The following ADK variants were observed in gnomAD, a reference collection of about 807,000 sequenced individuals.
ADK encodes the protein adenosine kinase, also known as N6,N6-dimethyladenosine kinase.
A neutral mutation model predicts 44.7 loss-of-function variants in ADK; 24 were observed. The ratio of observed to expected loss-of-function variants is 0.54; its 90% CI spans 0.39 to 0.76. The LOEUF is 0.76. Among genes scored for constraint, ADK ranks in the 30% least tolerant of loss-of-function variants. The probability of loss-of-function intolerance (pLI) is 0.00; values close to 1 mark genes in which losing one functional copy is unlikely to be tolerated. For missense variants in ADK, 321 were observed against 425.1 expected, an observed-to-expected ratio of 0.76 and a Z score of 2.15; for synonymous variants, 128 against 142.6, an observed-to-expected ratio of 0.90 and a Z score of 0.73.
At chr10:74,481,700 T>G (rs1214233277) in intron 6 of ADK, among the ~76,000 whole-genome samples, 1 of 152,230 alleles carries the variant, frequency 6.6e-6, no homozygotes, top group East Asian at 1.9e-4. Context: ...TGCTACTTTT[T>G]TTTTCTTCTG....
chr10:74,394,116 A>G, intron 4 of ADK, 25 bp from the exon 5 acceptor site: 1 of 1,613,530 alleles, frequency 6.2e-7, no homozygotes, highest in South Asian at 1.1e-5. Flanking sequence ...TGCCCCATTA[A>G]ATTATTTATG....
chr10:74,309,077 A>G (rs763737276), intron 3 of ADK, among the ~76,000 whole-genome samples: 2 of 152,140 alleles, frequency 1.3e-5, no homozygotes, highest in African/African-American at 4.8e-5. Context: ...GGGTATAATC[A>G]TGAAGTCTTT....
chr10:74,212,519 A>G (rs1019920330), intron 2 of ADK, among the ~76,000 whole-genome samples: 43 of 152,202 alleles, frequency 2.8e-4, no homozygotes, highest in Admixed American at 5.2e-4. Context: ...TTGGTTATCT[A>G]TGGAAGCTCA....
intron 9 of ADK, among the ~76,000 whole-genome samples, chr10:74,630,013 C>T (rs1405832627): frequency 6.6e-6 from 1 of 152,052 alleles, no homozygotes; most frequent in African/African-American, 2.4e-5. Context: ...AATAATTTAA[C>T]ATATGCACAG....
intron 6 of ADK, among the ~76,000 whole-genome samples, chr10:74,499,643 G>A (rs899020091): frequency 7.3e-5 from 11 of 151,664 alleles, no homozygotes; most frequent in African/African-American, 1.2e-4. Context: ...AGCAGAGATC[G>A]CGCCACTGCA....
chr10:74,394,632 A>C (rs2132828567), intron 5 of ADK, among the ~76,000 whole-genome samples: 1 of 152,296 alleles, frequency 6.6e-6, no homozygotes, highest in African/African-American at 2.4e-5. Flanking sequence ...AATTTGTTGC[A>C]AAACTTGAAT....
intron 6 of ADK, among the ~76,000 whole-genome samples, chr10:74,458,884 A>G (rs1436567156): frequency 6.6e-6 from 1 of 152,244 alleles, no homozygotes; most frequent in Non-Finnish European, 1.5e-5. Flanking sequence ...ATAAAAAGAA[A>G]TAATCATTTA....
chr10:74,449,104 T>C (rs1221454596), intron 6 of ADK, among the ~76,000 whole-genome samples: 9 of 152,164 alleles, frequency 5.9e-5, no homozygotes, highest in African/African-American at 1.9e-4. Context: ...TCCAAAACCA[T>C]AGGGCAGGCA....
chr10:74,523,005 CTCT>C (rs1231014644), intron 6 of ADK, among the ~76,000 whole-genome samples: 1 of 152,182 alleles, frequency 6.6e-6, no homozygotes, highest in African/African-American at 2.4e-5. Flanking sequence ...CCTTTTCCTC[CTCT>C]TATTATCTGC....
chr10:74,395,006 A>G (rs1843458471), intron 5 of ADK, among the ~76,000 whole-genome samples: 1 of 152,186 alleles, frequency 6.6e-6, no homozygotes, highest in South Asian at 2.1e-4. Context: ...CAGTGTATTC[A>G]TGCACTGCTA....
At chr10:74,475,160 A>G (rs975046586) in intron 6 of ADK, among the ~76,000 whole-genome samples, 1 of 152,022 alleles carries the variant, frequency 6.6e-6, no homozygotes, top group Admixed American at 6.6e-5. Context: ...AAAAAAACAA[A>G]ACAAAAAACC....
intron 6 of ADK, among the ~76,000 whole-genome samples, chr10:74,437,663 T>C (rs891587820): frequency 6.6e-6 from 1 of 152,216 alleles, no homozygotes; most frequent in African/African-American, 2.4e-5. Context: ...GATCTCCTTC[T>C]ACTTTTTAAC....
chr10:74,243,700 T>C (rs1845309869), intron 3 of ADK, among the ~76,000 whole-genome samples: 1 of 152,086 alleles, frequency 6.6e-6, no homozygotes, highest in Admixed American at 6.5e-5. Flanking sequence ...CCGTCTCTAC[T>C]AACAATACAA....
At chr10:74,232,625 A>T (rs11000936) in intron 3 of ADK, among the ~76,000 whole-genome samples, 27,890 of 145,410 alleles carry the variant, frequency 0.19, 3,350 homozygotes, top group African/African-American at 0.35. Flanking sequence ...ATAAGGATTT[A>T]AAAAAAAAAT....
At chr10:74,156,104 C>G (rs985206685) in intron 1 of ADK, among the ~76,000 whole-genome samples, 9 of 151,990 alleles carry the variant, frequency 5.9e-5, no homozygotes, top group Admixed American at 3.3e-4. Flanking sequence ...TAGAGAGAGC[C>G]AGAGGAAAGC....
chr10:74,330,273 G>GT (rs1778153832), intron 4 of ADK, among the ~76,000 whole-genome samples: 2 of 152,256 alleles, frequency 1.3e-5, no homozygotes, highest in South Asian at 4.2e-4. Flanking sequence ...AAAGCCAGGT[G>GT]TGGTGGTGCA....
intron 4 of ADK, among the ~76,000 whole-genome samples, chr10:74,356,093 A>T (rs530099073): frequency 7.5e-6 from 1 of 132,664 alleles, no homozygotes; most frequent in South Asian, 2.4e-4. Flanking sequence ...ATCTCGGCTC[A>T]CTGCAAGCTC....
chr10:74,321,165 T>C (rs1840794357), intron 4 of ADK, among the ~76,000 whole-genome samples: 1 of 152,216 alleles, frequency 6.6e-6, no homozygotes, highest in Non-Finnish European at 1.5e-5. Context: ...GGGTATATTC[T>C]AGGCATCTCA....
intron 2 of ADK, among the ~76,000 whole-genome samples, chr10:74,205,871 C>T (rs1424756302): frequency 6.6e-6 from 1 of 151,808 alleles, no homozygotes; most frequent in Non-Finnish European, 1.5e-5. Flanking sequence ...CTTTCTTAAC[C>T]CTATAAAGGT....
Sources: gnomAD v4.1 joint callset for allele counts (sites outside exome capture counted in the v4.1 genomes callset) on GRCh38, gnomAD v4.1.1 for gene constraint, MANE v1.5 for transcripts, NCBI Gene and HGNC (gene_info 2026-07-23, HGNC 2026-07-21) for gene names.